The following EPHA6 variants were observed in gnomAD, a reference collection of about 807,000 sequenced individuals.
EPHA6 encodes ephrin type-A receptor 6.
Under a neutral mutation model 112.0 loss-of-function variants are expected in EPHA6, and 50 were observed. That is an observed-to-expected ratio of 0.45 (90% CI 0.36 to 0.56). The LOEUF is 0.56. Among genes scored for constraint, EPHA6 ranks in the 20% least tolerant of loss-of-function variants. EPHA6 has a pLI of 0.00. For synonymous variants in EPHA6, 529 were observed against 490.7 expected, an observed-to-expected ratio of 1.08 and a Z score of -1.03; for missense variants, 1,280 against 1,417.4, an observed-to-expected ratio of 0.90 and a Z score of 1.56.
chr3:97,677,376 T>C (rs546656432), intron 14 of EPHA6, among the ~76,000 whole-genome samples: 2 of 152,206 alleles, frequency 1.3e-5, no homozygotes, highest in African/African-American at 4.8e-5. Context: ...ATTCCTGGAT[T>C]TGGTGGAGCT....
chr3:96,857,835 A>T (rs376124506), intron 1 of EPHA6, among the ~76,000 whole-genome samples: 25 of 152,132 alleles, frequency 1.6e-4, no homozygotes, highest in Non-Finnish European at 2.9e-5. Flanking sequence ...TAAGATTTTC[A>T]TTTAAATTAT....
chr3:97,342,321 T>G (rs983006785), intron 5 of EPHA6, among the ~76,000 whole-genome samples: 2 of 152,202 alleles, frequency 1.3e-5, no homozygotes, highest in African/African-American at 4.8e-5. Context: ...TGTGATGAGT[T>G]TGGACAAATG....
intron 5 of EPHA6, among the ~76,000 whole-genome samples, chr3:97,284,207 A>G (rs2080386136): frequency 6.6e-6 from 1 of 152,170 alleles, no homozygotes; most frequent in Non-Finnish European, 1.5e-5. Context: ...AGTATAGTCA[A>G]TACTTCTTTC....
intron 5 of EPHA6, among the ~76,000 whole-genome samples, chr3:97,404,501 A>G (rs934928571): frequency 2.0e-5 from 3 of 152,154 alleles, no homozygotes; most frequent in South Asian, 4.1e-4. Context: ...AGAGATATAT[A>G]GTTTAGTTAT....
At chr3:97,264,942 C>T (rs559085660) in intron 5 of EPHA6, among the ~76,000 whole-genome samples, 6 of 152,172 alleles carry the variant, frequency 3.9e-5, no homozygotes, top group Non-Finnish European at 8.8e-5. Flanking sequence ...CAGCAGAGAG[C>T]ATAGCTCCTC....
chr3:96,905,609 G>A (rs2038890212), intron 2 of EPHA6, among the ~76,000 whole-genome samples: 1 of 151,988 alleles, frequency 6.6e-6, no homozygotes, highest in East Asian at 1.9e-4. Flanking sequence ...TAGTAAATGT[G>A]CCTGAACTGA....
chr3:97,122,054 A>G (rs1479769330), intron 3 of EPHA6, among the ~76,000 whole-genome samples: 1 of 152,120 alleles, frequency 6.6e-6, no homozygotes, highest in Non-Finnish European at 1.5e-5. Context: ...TATGCCAGAA[A>G]TTAAACTTGT....
At chr3:96,913,666 A>T (rs1413159876) in intron 2 of EPHA6, among the ~76,000 whole-genome samples, 1 of 152,126 alleles carries the variant, frequency 6.6e-6, no homozygotes, top group Non-Finnish European at 1.5e-5. Context: ...GTAAGATCAA[A>T]GTGTCTGGTT....
chr3:97,218,463 C>CT (rs372240978), intron 3 of EPHA6, among the ~76,000 whole-genome samples: 2 of 151,940 alleles, frequency 1.3e-5, no homozygotes, highest in African/African-American at 4.8e-5. Context: ...AGCAAGGCAC[C>CT]TTTTTCACAA....
intron 2 of EPHA6, among the ~76,000 whole-genome samples, chr3:96,925,237 T>C (rs996753045): frequency 2.0e-5 from 3 of 152,176 alleles, no homozygotes; most frequent in Non-Finnish European, 2.9e-5. Flanking sequence ...CTCTTTTTTG[T>C]GCCTCTCATT....
intron 10 of EPHA6, among the ~76,000 whole-genome samples, chr3:97,523,809 T>G (rs2092579985): frequency 6.6e-6 from 1 of 151,988 alleles, no homozygotes; most frequent in Admixed American, 6.6e-5. Flanking sequence ...ATGACCTGCT[T>G]TTTCTCTTTT....
intron 2 of EPHA6, among the ~76,000 whole-genome samples, chr3:96,906,936 T>A (rs917609288): frequency 6.6e-6 from 1 of 151,800 alleles, no homozygotes; most frequent in Admixed American, 6.6e-5. Flanking sequence ...AGATAAATGA[T>A]CTCTGGAATT....
chr3:96,922,611 A>G (rs1489247094), intron 2 of EPHA6, among the ~76,000 whole-genome samples: 1 of 152,224 alleles, frequency 6.6e-6, no homozygotes, highest in African/African-American at 2.4e-5. Context: ...GATATTTGTA[A>G]TCATTAAATC....
intron 14 of EPHA6, among the ~76,000 whole-genome samples, chr3:97,717,100 A>C (rs2034276114): frequency 6.6e-6 from 1 of 151,648 alleles, no homozygotes; most frequent in Non-Finnish European, 1.5e-5. Flanking sequence ...GCGTGGTGGC[A>C]GGTGACTGTA....
intron 2 of EPHA6, among the ~76,000 whole-genome samples, chr3:96,984,863 A>T (rs2042958043): frequency 6.6e-6 from 1 of 152,200 alleles, no homozygotes; most frequent in Non-Finnish European, 1.5e-5. Flanking sequence ...TGTGGGATAT[A>T]ATCTCCTGGT....
intron 3 of EPHA6, among the ~76,000 whole-genome samples, chr3:97,117,781 C>G (rs2047933054): frequency 1.3e-5 from 2 of 151,784 alleles, no homozygotes; most frequent in Non-Finnish European, 2.9e-5. Flanking sequence ...ATCTAAATCT[C>G]ACAAGATTTC....
chr3:96,935,215 C>T (rs2107667263), intron 2 of EPHA6, among the ~76,000 whole-genome samples: 1 of 151,860 alleles, frequency 6.6e-6, no homozygotes, highest in South Asian at 2.1e-4. Flanking sequence ...ACTAAATTAT[C>T]AGTAGGTTAA....
At chr3:97,162,811 A>T (rs1200281635) in intron 3 of EPHA6, among the ~76,000 whole-genome samples, 1 of 152,000 alleles carries the variant, frequency 6.6e-6, no homozygotes, top group East Asian at 1.9e-4. Flanking sequence ...TTCAGGCTTG[A>T]CTTCTGTTCA....
At chr3:97,605,998 T>G (rs2093677621) in intron 12 of EPHA6, among the ~76,000 whole-genome samples, 1 of 151,252 alleles carries the variant, frequency 6.6e-6, no homozygotes, top group South Asian at 2.1e-4. Flanking sequence ...GGGAATAGGG[T>G]GAAGTAAAAG....
Sources: allele counts gnomAD v4.1 joint callset (sites outside exome capture counted in the v4.1 genomes callset), GRCh38; gene constraint gnomAD v4.1.1; transcripts MANE v1.5; gene names NCBI Gene and HGNC (gene_info 2026-07-23, HGNC 2026-07-21).